The following ATP8B4 variants were observed in gnomAD, a reference collection of about 807,000 sequenced individuals.
The protein encoded by ATP8B4 is probable phospholipid-transporting ATPase IM.
In ATP8B4, 133 loss-of-function variants were observed where a neutral mutation model predicts 145.6. The ratio of observed to expected loss-of-function variants is 0.91; its 90% CI spans 0.79 to 1.05. ATP8B4 has a LOEUF of 1.05. ATP8B4 is among the 50% of genes least tolerant of loss of function. ATP8B4 has a pLI of 0.00. For missense variants in ATP8B4, 1,458 were observed against 1,425.2 expected (o/e 1.02, Z -0.37); for synonymous variants, 507 against 492.9 (o/e 1.03, Z -0.38).
At chr15:50,156,665 G>A (rs2044425464) in intron 1 of ATP8B4, among the ~76,000 whole-genome samples, 1 of 152,150 alleles carries the variant, frequency 6.6e-6, no homozygotes, top group Non-Finnish European at 1.5e-5. Flanking sequence ...TTCAAATAAT[G>A]ATAAACTGAG....
chr15:50,167,791 G>T (rs1233996463), intron 1 of ATP8B4, among the ~76,000 whole-genome samples: 1 of 152,152 alleles, frequency 6.6e-6, no homozygotes, highest in African/African-American at 2.4e-5. Context: ...ACCAAAAAAT[G>T]GGAATAATGT....
At chr15:49,890,775 A>G (rs529471989) in intron 23 of ATP8B4, among the ~76,000 whole-genome samples, 328 of 152,346 alleles carry the variant, frequency 2.2e-3, no homozygotes, top group Non-Finnish European at 4.1e-3. Flanking sequence ...AGGGAATGGA[A>G]AAGAGACAAT....
chr15:50,116,051 G>A (rs1434359523), intron 1 of ATP8B4, among the ~76,000 whole-genome samples: 1 of 152,192 alleles, frequency 6.6e-6, no homozygotes, highest in East Asian at 1.9e-4. Flanking sequence ...AAGAGGAGAT[G>A]GAGGAGCAAT....
upstream of ATP8B4, among the ~76,000 whole-genome samples, chr15:50,123,357 C>T (rs2057285845): frequency 6.6e-6 from 1 of 152,282 alleles, no homozygotes; most frequent in African/African-American, 2.4e-5. Flanking sequence ...CCCTTCTTAC[C>T]TAGGGACCAG....
intron 9 of ATP8B4, among the ~76,000 whole-genome samples, chr15:49,995,073 T>C (rs970574629): frequency 2.0e-5 from 3 of 152,128 alleles, no homozygotes; most frequent in African/African-American, 7.2e-5. Flanking sequence ...TTTATGCCAC[T>C]AAGATTGCAG....
chr15:50,074,270 TTTG>T, intron 2 of ATP8B4, 85 bp from the exon 3 acceptor site: 1 of 1,213,584 alleles, frequency 8.2e-7, no homozygotes, highest in Non-Finnish European at 1.2e-6. Flanking sequence ...CTTAGGTTGC[TTTG>T]TTGTTAAGGC....
intron 3 of ATP8B4, among the ~76,000 whole-genome samples, chr15:50,056,544 T>A (rs981702543): frequency 6.6e-6 from 1 of 152,156 alleles, no homozygotes; most frequent in African/African-American, 2.4e-5. Flanking sequence ...GTGAGACCAG[T>A]GGGAATACGT....
chr15:50,075,540 A>G (rs757298902), intron 2 of ATP8B4, among the ~76,000 whole-genome samples: 12 of 152,080 alleles, frequency 7.9e-5, no homozygotes, highest in Admixed American at 1.3e-4. Context: ...CCTCTTGCCT[A>G]TCTAATAAAG....
At chr15:50,108,409 G>A (rs1446176742) in intron 1 of ATP8B4, among the ~76,000 whole-genome samples, 2 of 151,814 alleles carry the variant, frequency 1.3e-5, no homozygotes, top group Non-Finnish European at 2.9e-5. Context: ...ACCTCTTGTT[G>A]GCCTCAGGAA....
chr15:50,025,576 T>C (rs2049946656), intron 6 of ATP8B4, among the ~76,000 whole-genome samples: 1 of 152,234 alleles, frequency 6.6e-6, no homozygotes, highest in South Asian at 2.1e-4. Flanking sequence ...TCAGCTCAAA[T>C]GTACTACTCC....
At chr15:50,143,607 G>A (rs1431626176) in intron 1 of ATP8B4, among the ~76,000 whole-genome samples, 2 of 152,188 alleles carry the variant, frequency 1.3e-5, no homozygotes, top group Non-Finnish European at 2.9e-5. Flanking sequence ...CCGTGATTCA[G>A]TGTGGTCATT....
At chr15:49,994,412 A>G (rs8028405) in intron 9 of ATP8B4, among the ~76,000 whole-genome samples, 14,189 of 152,050 alleles carry the variant, frequency 0.093, 811 homozygotes, top group African/African-American at 0.15. Context: ...CGGCCCCCCA[A>G]TGGGATTTGT....
At chr15:50,150,265 G>A (rs2044330967) in intron 1 of ATP8B4, among the ~76,000 whole-genome samples, 1 of 152,166 alleles carries the variant, frequency 6.6e-6, no homozygotes, top group Non-Finnish European at 1.5e-5. Context: ...CTTTGTGCAA[G>A]GTTGGGAGTT....
chr15:50,169,468 T>C (rs1388308100), intron 1 of ATP8B4, among the ~76,000 whole-genome samples: 4 of 152,166 alleles, frequency 2.6e-5, no homozygotes, highest in African/African-American at 9.6e-5. Flanking sequence ...GCCACATCCA[T>C]AGGAAAAGGG....
At chr15:49,973,006 G>C (rs2045314475) in intron 12 of ATP8B4, among the ~76,000 whole-genome samples, 1 of 152,102 alleles carries the variant, frequency 6.6e-6, no homozygotes, top group Admixed American at 6.6e-5. Context: ...AAAACAATAA[G>C]TCAGCTTAGA....
intron 2 of ATP8B4, among the ~76,000 whole-genome samples, chr15:50,088,367 CAAACA>C (rs2055362464): frequency 6.6e-6 from 1 of 151,666 alleles, no homozygotes; most frequent in Non-Finnish European, 1.5e-5. Flanking sequence ...AAAAAACAAA[CAAACA>C]AAAAAACCCT....
chr15:50,097,222 A>AT (rs1252288858), intron 2 of ATP8B4, among the ~76,000 whole-genome samples: 1 of 152,192 alleles, frequency 6.6e-6, no homozygotes, highest in Non-Finnish European at 1.5e-5. Flanking sequence ...ATATGCCTTG[A>AT]TAAGGTACCT....
intron 1 of ATP8B4, among the ~76,000 whole-genome samples, chr15:50,172,934 CG>C (rs1479821688): frequency 6.9e-6 from 1 of 145,220 alleles, no homozygotes; most frequent in Admixed American, 6.8e-5. Flanking sequence ...AAGTGAGGAG[CG>C]TCTCCGCCCG....
chr15:49,961,072 G>T lies in ATP8B4; in HGVS notation c.1287+905C>A, dbSNP rs549134903. On this transcript the variant is annotated intron_variant, in intron 14 of 27. Coordinates refer to ENST00000284509, the MANE Select transcript of ATP8B4 (RefSeq NM_024837.4). ...GGCGTGAACCCAGGAGGCAGAGCTTGCAGTGAGCCGAGATTGCGCCACTGC... is the reference window on the plus strand; with the variant it reads ...GGCGTGAACCCAGGAGGCAGAGCTTTCAGTGAGCCGAGATTGCGCCACTGC... Among the ~76,000 whole-genome samples the T allele has an allele frequency of 1.6e-3, 250 of 152,008 alleles. 1 individual carries two copies. In the Middle Eastern group the frequency reaches 0.041, roughly 25 times the overall value.
Sources: gnomAD v4.1 joint callset for allele counts (sites outside exome capture counted in the v4.1 genomes callset) on GRCh38, gnomAD v4.1.1 for gene constraint, MANE v1.5 for transcripts, NCBI Gene and HGNC (gene_info 2026-07-23, HGNC 2026-07-21) for gene names.